The following SULF2 variants were observed in gnomAD, a reference collection of about 807,000 sequenced individuals.
SULF2 encodes extracellular sulfatase Sulf-2.
Under a neutral mutation model 107.7 loss-of-function variants are expected in SULF2, and 52 were observed. The ratio of observed to expected loss-of-function variants is 0.48; its 90% CI spans 0.39 to 0.61. The LOEUF (loss-of-function observed/expected upper bound fraction) is 0.61. SULF2 is among the 20% of genes least tolerant of loss of function. The pLI, the probability that SULF2 is intolerant of heterozygous loss-of-function variation, is 0.00. For missense variants in SULF2, 993 were observed against 1,177.3 expected (o/e 0.84, Z 2.29); for synonymous variants, 460 against 464.3 (o/e 0.99, Z 0.12).
chr20:47,690,907 C>A (rs1340906089), intron 4 of SULF2, among the ~76,000 whole-genome samples: 1 of 151,214 alleles, frequency 6.6e-6, no homozygotes, highest in Non-Finnish European at 1.5e-5. Context: ...TAATAGCTAA[C>A]ACTATTGAGT....
At position 47,742,697 on chromosome 20, in the gene SULF2, C is replaced by T. The variant is rs148076335; in HGVS notation, c.176-5755G>A. On this transcript the variant is annotated intron_variant, in intron 2 of 20. Coordinates refer to ENST00000688720, the MANE Select transcript of SULF2 (RefSeq NM_001387048.1). ...CTTTAATCTCAATCCAAGTTAACTA[C>T]GTCGAGTTAGAGAATTAAGGTGTGA... 2.5e-4 allele frequency among the ~76,000 whole-genome samples: 38 copies of T among 152,188 alleles called. No homozygotes were observed. The East Asian group carries it at 4.4e-3, about 18-fold the overall frequency.
chr20:47,783,951 C>T (rs2090876447), intron 1 of SULF2, among the ~76,000 whole-genome samples: 1 of 152,240 alleles, frequency 6.6e-6, no homozygotes, highest in African/African-American at 2.4e-5. Context: ...GTCCTCCCTA[C>T]CCCGTTCCTA....
At chr20:47,712,149 CT>C (rs1320681012) in intron 3 of SULF2, among the ~76,000 whole-genome samples, 1 of 152,248 alleles carries the variant, frequency 6.6e-6, no homozygotes, top group African/African-American at 2.4e-5. Flanking sequence ...TCCAACTGGA[CT>C]TCTGCCTCCG....
chr20:47,726,595 C>G (rs910699306), intron 3 of SULF2, among the ~76,000 whole-genome samples: 2 of 152,210 alleles, frequency 1.3e-5, no homozygotes, highest in South Asian at 2.1e-4. Flanking sequence ...TGTGCGCCTA[C>G]TGAATACCTG....
chr20:47,741,211 CAG>C (rs2089871657), intron 2 of SULF2, among the ~76,000 whole-genome samples: 1 of 152,260 alleles, frequency 6.6e-6, no homozygotes, highest in East Asian at 1.9e-4. Flanking sequence ...TGGCCATCCA[CAG>C]AGTGTGGTGG....
chr20:47,678,564 C>T lies in SULF2; in HGVS notation c.1193+112G>A. Reference sequence around the variant, plus strand: ...TGGTTGGCATGGCGGGACCTGAGAACCCCAGCTCCCGACCCTTGGAGACCC... The same window carrying T: ...TGGTTGGCATGGCGGGACCTGAGAATCCCAGCTCCCGACCCTTGGAGACCC... On this transcript the variant is annotated intron_variant, in intron 8 of 20. Coordinates refer to ENST00000688720, the MANE Select transcript of SULF2 (RefSeq NM_001387048.1). The surrounding 1 kb of genome is among the most constrained non-coding windows in gnomAD (Gnocchi z 4.5). 1.5e-6 allele frequency: 2 copies of T among 1,316,180 alleles called. No individual in the cohort carries two copies. Among genetic ancestry groups the T allele is most frequent in the Non-Finnish European group, 1.0e-6 (1 of 956,932 alleles). 81.5% of individuals were successfully genotyped at this position (1,316,180 alleles called of 1,614,324 possible).
chr20:47,659,582 G>T, intron 19 of SULF2, 115 bp downstream of exon 19: 1 of 1,360,654 alleles, frequency 7.3e-7, no homozygotes, highest in Non-Finnish European at 1.0e-6. Context: ...GTCTCGGGCA[G>T]ACCAGAGGGA....
intron 3 of SULF2, among the ~76,000 whole-genome samples, chr20:47,719,547 C>G (rs561348275): frequency 6.6e-6 from 1 of 152,270 alleles, no homozygotes; most frequent in Non-Finnish European, 1.5e-5. Flanking sequence ...TGTTTATGCC[C>G]AAACTGTCAA....
intron 3 of SULF2, among the ~76,000 whole-genome samples, chr20:47,733,193 A>C (rs1318771730): frequency 6.6e-6 from 1 of 152,238 alleles, no homozygotes; most frequent in East Asian, 1.9e-4. Flanking sequence ...AAGATACTAC[A>C]TGAAGGAGAA....
intron 20 of SULF2, among the ~76,000 whole-genome samples, chr20:47,658,994 T>C (rs1054813471): frequency 2.6e-5 from 4 of 152,194 alleles, no homozygotes; most frequent in Non-Finnish European, 5.9e-5. Context: ...CAGCCTCCAA[T>C]GGCACTGGAG....
At position 47,717,764 on chromosome 20, in the gene SULF2, T is replaced by C. The variant is rs541126791; in HGVS notation, c.416-15094A>G. 5.3e-4 allele frequency among the ~76,000 whole-genome samples: 81 copies of C among 152,052 alleles called. 1 individual carries two copies. The highest frequency in any genetic ancestry group is 4.5e-3 in the Admixed American group (69 of 15,256). ...AGGTGGGGGACACAGGTAGGAGCCA[T>C]AGTCGTTATCCAGATCAGTCTTTCC... On this transcript the variant is annotated intron_variant, in intron 3 of 20. Coordinates refer to ENST00000688720, the MANE Select transcript of SULF2 (RefSeq NM_001387048.1).
At chr20:47,710,584 C>T (rs1396573865) in intron 3 of SULF2, among the ~76,000 whole-genome samples, 1 of 151,094 alleles carries the variant, frequency 6.6e-6, no homozygotes, top group African/African-American at 2.5e-5. Context: ...GCATGTATCC[C>T]CATTGTTACG....
intron 1 of SULF2, among the ~76,000 whole-genome samples, chr20:47,770,045 C>A (rs965461383): frequency 5.3e-5 from 7 of 133,020 alleles, no homozygotes; most frequent in Non-Finnish European, 7.8e-5. Flanking sequence ...GTGATGTGAT[C>A]TGGTGTAGTT....
intron 1 of SULF2, among the ~76,000 whole-genome samples, chr20:47,779,568 C>T (rs916162055): frequency 1.1e-4 from 16 of 152,324 alleles, no homozygotes; most frequent in Admixed American, 8.5e-4. Flanking sequence ...CAAATCATAT[C>T]ATTCTCTGAC....
chr20:47,771,898 T>C (rs1189331272), intron 1 of SULF2, among the ~76,000 whole-genome samples: 1 of 152,206 alleles, frequency 6.6e-6, no homozygotes, highest in African/African-American at 2.4e-5. Flanking sequence ...AATCAACTGC[T>C]GCTAGAGTTT....
intron 2 of SULF2, among the ~76,000 whole-genome samples, chr20:47,745,508 T>C (rs1483580476): frequency 7.2e-6 from 1 of 139,486 alleles, no homozygotes; most frequent in Non-Finnish European, 1.5e-5. Flanking sequence ...AGAAAGCACT[T>C]AATGCATGCC....
intron 2 of SULF2, among the ~76,000 whole-genome samples, chr20:47,745,379 A>AGG (rs1167073406): frequency 0.015 from 445 of 29,124 alleles, 12 homozygotes; most frequent in African/African-American, 0.056. Flanking sequence ...CTGAGTTTTG[A>AGG]GGGAAAAAAA....
intron 3 of SULF2, among the ~76,000 whole-genome samples, chr20:47,726,129 C>T (rs2089436698): frequency 6.6e-6 from 1 of 152,148 alleles, no homozygotes; most frequent in African/African-American, 2.4e-5. Flanking sequence ...CAGCCACCAC[C>T]CCCTGCGTTT....
At chr20:47,764,415 T>C (rs1478703667) in intron 1 of SULF2, among the ~76,000 whole-genome samples, 1 of 152,224 alleles carries the variant, frequency 6.6e-6, no homozygotes, top group Admixed American at 6.5e-5. Flanking sequence ...CCCCTGTTAG[T>C]GCTTTGAGGC....
Sources: allele counts gnomAD v4.1 joint callset (sites outside exome capture counted in the v4.1 genomes callset), GRCh38; gene constraint gnomAD v4.1.1; non-coding constraint Gnocchi (gnomAD v3.1); transcripts MANE v1.5; gene names NCBI Gene and HGNC (gene_info 2026-07-23, HGNC 2026-07-21).